FBXL17: variants seen among roughly 807,000 people sequenced by gnomAD.
FBXL17 encodes the protein F-box and leucine rich repeat protein 17.
In FBXL17, 22 loss-of-function variants were observed where a neutral mutation model predicts 66.2. That is an observed-to-expected ratio of 0.33 (90% CI 0.24 to 0.47). The LOEUF (loss-of-function observed/expected upper bound fraction) is 0.47. FBXL17 is among the 20% of genes least tolerant of loss of function. FBXL17 has a pLI of 1.00. For missense variants in FBXL17, 878 were observed against 948.2 expected, an observed-to-expected ratio of 0.93 and a Z score of 0.97; for synonymous variants, 474 against 400.5, an observed-to-expected ratio of 1.18 and a Z score of -2.19.
At chr5:108,154,173 T>A (rs576837536) in intron 6 of FBXL17, among the ~76,000 whole-genome samples, 1 of 150,600 alleles carries the variant, frequency 6.6e-6, no homozygotes, top group African/African-American at 2.4e-5. Flanking sequence ...CAAGATTATC[T>A]TCAAAATGGG....
intron 7 of FBXL17, among the ~76,000 whole-genome samples, chr5:107,939,881 C>T (rs575532071): frequency 7.3e-4 from 111 of 152,262 alleles, no homozygotes; most frequent in African/African-American, 2.6e-3. Flanking sequence ...CTAATGCACA[C>T]TTCATTGACT....
intron 7 of FBXL17, among the ~76,000 whole-genome samples, chr5:107,929,117 T>C (rs1024071408): frequency 6.6e-6 from 1 of 152,142 alleles, no homozygotes; most frequent in Non-Finnish European, 1.5e-5. Flanking sequence ...GCCATATTGG[T>C]GGTGAAAAGA....
rs1325777157 is a variant in FBXL17, at chr5:108,328,732, G to C, written c.1506+19667C>G. On this transcript the variant is annotated intron_variant, in intron 4 of 8. Transcript: ENST00000542267. The stretch of plus-strand genomic sequence containing the variant: ...TTTTTATGAGAACAAGGATTATTTG[G>C]GCCTCTTTCTTATATATCTCAATAT... Among the ~76,000 whole-genome samples the C allele has an allele frequency of 5.3e-5, 8 of 151,570 alleles. No individual in the cohort carries two copies. The East Asian group carries it at 1.5e-3, about 29-fold the overall frequency.
At chr5:108,347,958 G>T (rs1462185239) in intron 4 of FBXL17, among the ~76,000 whole-genome samples, 1 of 151,884 alleles carries the variant, frequency 6.6e-6, no homozygotes, top group Admixed American at 6.6e-5. Context: ...CTAACTTATT[G>T]AATCCCATTT....
chr5:108,319,787 A>C (rs1246951922), intron 4 of FBXL17, among the ~76,000 whole-genome samples: 1 of 151,684 alleles, frequency 6.6e-6, no homozygotes. Context: ...TATTACTATA[A>C]AAACTAGGAT....
intron 6 of FBXL17, 82 bp downstream of exon 6, chr5:108,186,035 A>G: frequency 1.8e-6 from 2 of 1,126,146 alleles, no homozygotes; most frequent in East Asian, 4.9e-5. Flanking sequence ...AATTTTAGTT[A>G]TAGACATGCC....
intron 4 of FBXL17, among the ~76,000 whole-genome samples, chr5:108,283,065 G>A (rs1757762686): frequency 6.6e-6 from 1 of 151,482 alleles, no homozygotes; most frequent in Non-Finnish European, 1.5e-5. Flanking sequence ...ATCATTAAAT[G>A]GCCCACACTG....
At chr5:108,379,066 C>T (rs553133569) in intron 1 of FBXL17, among the ~76,000 whole-genome samples, 12 of 152,262 alleles carry the variant, frequency 7.9e-5, no homozygotes, top group South Asian at 6.2e-4. Flanking sequence ...TTTCAACAAT[C>T]CTCAGGAAAA....
At chr5:108,287,319 G>A (rs1484225369) in intron 4 of FBXL17, among the ~76,000 whole-genome samples, 1 of 152,042 alleles carries the variant, frequency 6.6e-6, no homozygotes, top group Non-Finnish European at 1.5e-5. Flanking sequence ...TACTGACAGA[G>A]TAAACAGACA....
Position 107,890,293 on chromosome 5 carries a change from T to A in FBXL17, c.1823-9114A>T, listed in dbSNP as rs191812603. ...CTGTCATACATCTGCCTTGTCCAAC[T>A]CCCTAAACTGAGTTTTTCAGACCAC... On this transcript the variant is annotated intron_variant, in intron 7 of 8. Coordinates refer to ENST00000542267, the MANE Select transcript of FBXL17 (RefSeq NM_001163315.3). Among the ~76,000 whole-genome samples, 39 of 151,562 alleles carry A rather than the reference T, an allele frequency of 2.6e-4. No individual in the cohort carries two copies. In the East Asian group the frequency reaches 7.4e-3, roughly 29 times the overall value.
At chr5:107,892,853 G>T (rs892810412) in intron 7 of FBXL17, among the ~76,000 whole-genome samples, 1 of 152,140 alleles carries the variant, frequency 6.6e-6, no homozygotes, top group Non-Finnish European at 1.5e-5. Flanking sequence ...CTTAAGAAAG[G>T]CAAAGGAAAC....
At chr5:108,142,978 T>TATAATA (rs10623997) in intron 6 of FBXL17, among the ~76,000 whole-genome samples, 22,888 of 144,980 alleles carry the variant, frequency 0.16, 2,216 homozygotes, top group South Asian at 0.38. Flanking sequence ...GAACATAAAG[T>TATAATA]ATAATAATAA....
chr5:108,381,469 C>G lies in FBXL17; in HGVS notation c.223G>C (p.Gly75Arg). ...VHSPGAPAPA[G>R]PEEEPPLSPP... is the part of the protein sequence containing the mutation. ...GAGAGCGGCGGCTCCTCCTCTGGGC[C>G]GGCGGGGGCGGGCGCGCCGGGACTG... The change falls in exon 1 of 9, where the codon GGC becomes CGC. Residue 75 changes from glycine (G) to arginine (R), a missense_variant. Physicochemically the swap from Gly to Arg is moderately radical, Grantham distance 125 (BLOSUM62 -2). This residue lies in a region of FBXL17 where 605 missense variants were observed against 509.5 expected (regional missense o/e 1.19). Transcript: ENST00000542267. 2 of 1,322,654 alleles carry G rather than the reference C, an allele frequency of 1.5e-6. No individual in the cohort carries two copies. The highest frequency in any genetic ancestry group is 1.9e-6 in the Non-Finnish European group (2 of 1,042,926). The allele number at this position is 1,322,654 out of a possible 1,614,324, so 81.9% of individuals were successfully genotyped here.
chr5:108,196,095 G>A (rs1369714896), intron 5 of FBXL17, among the ~76,000 whole-genome samples: 4 of 151,918 alleles, frequency 2.6e-5, no homozygotes, highest in African/African-American at 9.7e-5. Context: ...AGTTAGCTAG[G>A]TAGAAAGAGT....
intron 8 of FBXL17, chr5:107,879,807 T>C (rs979840168): frequency 2.0e-6 from 2 of 985,302 alleles, no homozygotes; most frequent in African/African-American, 3.5e-5. Flanking sequence ...TCTGAGCAAG[T>C]ATCTGAACTG....
chr5:108,172,175 C>T (rs1021842224), intron 6 of FBXL17, among the ~76,000 whole-genome samples: 1 of 152,222 alleles, frequency 6.6e-6, no homozygotes, highest in African/African-American at 2.4e-5. Flanking sequence ...GTTGTTTAGA[C>T]TTCCATCTTC....
intron 7 of FBXL17, among the ~76,000 whole-genome samples, chr5:108,006,999 G>A (rs1043272376): frequency 5.9e-5 from 9 of 152,266 alleles, no homozygotes; most frequent in East Asian, 1.9e-4. Flanking sequence ...CAGAGAAAAC[G>A]GATTTTTGAT....
intron 7 of FBXL17, among the ~76,000 whole-genome samples, chr5:107,908,130 T>C (rs985118478): frequency 2.6e-5 from 4 of 152,232 alleles, no homozygotes; most frequent in Admixed American, 2.6e-4. Flanking sequence ...AAATGATGAG[T>C]TCATGTCCTT....
intron 5 of FBXL17, among the ~76,000 whole-genome samples, chr5:108,206,209 C>A (rs1375349293): frequency 6.6e-6 from 1 of 152,070 alleles, no homozygotes; most frequent in Non-Finnish European, 1.5e-5. Context: ...GAATCCTATT[C>A]AGAAGAACTT....
Sources: allele counts gnomAD v4.1 joint callset (sites outside exome capture counted in the v4.1 genomes callset), GRCh38; gene constraint gnomAD v4.1.1; regional missense constraint gnomAD v4.1.1; transcripts MANE v1.5; gene names NCBI Gene and HGNC (gene_info 2026-07-23, HGNC 2026-07-21).